ACOT13: variants seen among roughly 807,000 people sequenced by gnomAD.
ACOT13 encodes the protein acyl-CoA thioesterase 13.
In ACOT13, 10 loss-of-function variants were observed where a neutral mutation model predicts 11.8. That is an observed-to-expected ratio of 0.85 (90% CI 0.53 to 1.44). The LOEUF (loss-of-function observed/expected upper bound fraction) is 1.44. ACOT13 is among the 40% of genes most tolerant of loss of function. ACOT13 has a pLI of 0.00. For synonymous variants in ACOT13, 53 were observed against 61.0 expected (o/e 0.87, Z 0.61); for missense variants, 172 against 174.1 (o/e 0.99, Z 0.07).
chr6:24,677,475 C>T (rs892075081), intron 1 of ACOT13, among the ~76,000 whole-genome samples: 1 of 152,214 alleles, frequency 6.6e-6, no homozygotes, highest in Admixed American at 6.5e-5. Flanking sequence ...TGCCACTACC[C>T]GTAAACAATG....
At chr6:24,697,562 G>C (rs1056952295) in intron 1 of ACOT13, among the ~76,000 whole-genome samples, 1 of 152,198 alleles carries the variant, frequency 6.6e-6, no homozygotes, top group African/African-American at 2.4e-5. Flanking sequence ...TCTCAGCTGG[G>C]TGGCTTTGTT....
intron 1 of ACOT13, chr6:24,687,340 A>G: frequency 1.3e-6 from 1 of 799,580 alleles, no homozygotes; most frequent in Non-Finnish European, 1.6e-6. Context: ...GTAGTTCTGC[A>G]GTAAATAAAT....
intron 1 of ACOT13, among the ~76,000 whole-genome samples, chr6:24,683,010 G>T (rs2127624323): frequency 6.6e-6 from 1 of 152,284 alleles, no homozygotes; most frequent in Admixed American, 6.5e-5. Flanking sequence ...TAAGTTGCAA[G>T]CCCCGTGTTT....
rs1255348041 is a variant in ACOT13, at chr6:24,701,804, T to A, written c.*189T>A. 3.9e-6 allele frequency: 2 copies of A among 510,858 alleles called. No individual in the cohort carries two copies. Among genetic ancestry groups the A allele is most frequent in the East Asian group, 6.6e-5 (2 of 30,456 alleles). 31.6% of individuals were successfully genotyped at this position (510,858 alleles called of 1,614,324 possible). A position where few individuals can be genotyped will look rare whatever the true frequency, so the allele number is the denominator to read the frequency against. On this transcript the variant is annotated 3_prime_UTR_variant, in exon 3 of 3. Transcript: ENST00000230048. ...TTTTTTCACTTTAAGCATCTTGTTTTCTAATCATGTGTGATAATTGGGTGA... is the reference window on the plus strand; with the variant it reads ...TTTTTTCACTTTAAGCATCTTGTTTACTAATCATGTGTGATAATTGGGTGA...
At chr6:24,698,478 G>C (rs2127628922) in intron 2 of ACOT13, among the ~76,000 whole-genome samples, 1 of 152,134 alleles carries the variant, frequency 6.6e-6, no homozygotes, top group African/African-American at 2.4e-5. Flanking sequence ...CTTGAAGCCT[G>C]GAGTTCAAGA....
At chr6:24,699,278 C>T (rs1390025815) in intron 2 of ACOT13, among the ~76,000 whole-genome samples, 2 of 146,294 alleles carry the variant, frequency 1.4e-5, no homozygotes, top group South Asian at 2.1e-4. Flanking sequence ...GGTGCAGTCT[C>T]GGCTCACTGC....
At chr6:24,691,522 G>T (rs1778717823) in intron 1 of ACOT13, among the ~76,000 whole-genome samples, 4 of 152,096 alleles carry the variant, frequency 2.6e-5, no homozygotes, top group Admixed American at 1.3e-4. Context: ...TGGTGCAGGA[G>T]AACTTAAATC....
Position 24,701,849 on chromosome 6 carries a change from G to GT in ACOT13, c.*238dup. 1 of 398,242 alleles carries GT rather than the reference G, an allele frequency of 2.5e-6. No homozygotes were observed. 24.7% of individuals were successfully genotyped at this position (398,242 alleles called of 1,614,324 possible). A position where few individuals can be genotyped will look rare whatever the true frequency, so the allele number is the denominator to read the frequency against. ...GGGTGAAAAATTCTTAGCTCAAAGTGTTTTAAAAACAGGTAAAGCAAAGAA... is the reference window on the plus strand; with the variant it reads ...GGGTGAAAAATTCTTAGCTCAAAGTGTTTTTAAAAACAGGTAAAGCAAAGAA... On this transcript the variant is annotated 3_prime_UTR_variant, in exon 3 of 3. Coordinates refer to ENST00000230048, the MANE Select transcript of ACOT13 (RefSeq NM_018473.4).
chr6:24,688,797 C>G (rs1174694983), intron 1 of ACOT13, among the ~76,000 whole-genome samples: 1 of 152,100 alleles, frequency 6.6e-6, no homozygotes, highest in African/African-American at 2.4e-5. Flanking sequence ...TTCATCTGAA[C>G]TCATCTTTTT....
At chr6:24,687,491 T>C (rs983557188) in intron 1 of ACOT13, 44 of 1,369,174 alleles carry the variant, frequency 3.2e-5, no homozygotes, top group Non-Finnish European at 3.7e-5. Context: ...CCAACACACA[T>C]AGAAATAAGG....
At position 24,696,185 on chromosome 6, in the gene ACOT13, A is replaced by G. The variant is rs370438085; in HGVS notation, c.82-1698A>G. On this transcript the variant is annotated intron_variant, in intron 1 of 2. Transcript: ENST00000230048. ...GACATAATATTGTTTAGGATGTTTT[A>G]TATCGCGTGGTTCTGTTTTCCTTCA... Among the ~76,000 whole-genome samples the G allele has an allele frequency of 4.6e-4, 70 of 152,364 alleles. No individual in the cohort carries two copies. The South Asian group carries it at 0.013, about 29-fold the overall frequency.
chr6:24,667,708 G>A (rs561015142), intron 1 of ACOT13, among the ~76,000 whole-genome samples: 1 of 152,196 alleles, frequency 6.6e-6, no homozygotes, highest in Non-Finnish European at 1.5e-5. Context: ...GGCTCTAGAA[G>A]ATTAGAAGAT....
intron 1 of ACOT13, among the ~76,000 whole-genome samples, chr6:24,674,660 AC>A (rs1778416324): frequency 6.6e-6 from 1 of 150,474 alleles, no homozygotes; most frequent in African/African-American, 2.5e-5. Flanking sequence ...AAGTGATCTG[AC>A]TGCCTTGGCC....
At chr6:24,693,111 G>A (rs1016267382) in intron 1 of ACOT13, among the ~76,000 whole-genome samples, 17 of 152,294 alleles carry the variant, frequency 1.1e-4, no homozygotes, top group African/African-American at 3.9e-4. Context: ...CCTGTCATCT[G>A]CAGTGTCACA....
intron 1 of ACOT13, among the ~76,000 whole-genome samples, chr6:24,680,844 G>C (rs951043269): frequency 4.6e-5 from 7 of 152,222 alleles, no homozygotes; most frequent in Non-Finnish European, 1.0e-4. Flanking sequence ...TTTTGATTAT[G>C]TAAGTATGGG....
chr6:24,692,568 C>T (rs936829149), intron 1 of ACOT13, among the ~76,000 whole-genome samples: 3 of 151,940 alleles, frequency 2.0e-5, no homozygotes, highest in Non-Finnish European at 2.9e-5. Context: ...CAGGCACATG[C>T]CACCATGCCT....
intron 1 of ACOT13, among the ~76,000 whole-genome samples, chr6:24,674,691 C>T (rs933181171): frequency 6.6e-6 from 1 of 152,178 alleles, no homozygotes; most frequent in African/African-American, 2.4e-5. Flanking sequence ...GCTGGGATTA[C>T]AGGCATGAGT....
At chr6:24,667,433 T>C (rs1007566288) in intron 1 of ACOT13, 89 bp downstream of exon 1, 2 of 1,225,540 alleles carry the variant, frequency 1.6e-6, no homozygotes, top group Admixed American at 1.9e-5. Flanking sequence ...TGAATAATTA[T>C]CTCTTGTTAG....
chr6:24,692,661 C>A (rs1778735404), intron 1 of ACOT13, among the ~76,000 whole-genome samples: 1 of 152,200 alleles, frequency 6.6e-6, no homozygotes, highest in Non-Finnish European at 1.5e-5. Context: ...TCAAGCAATC[C>A]TCCCACCTCA....
Sources: gnomAD v4.1 joint callset for allele counts (sites outside exome capture counted in the v4.1 genomes callset) on GRCh38, gnomAD v4.1.1 for gene constraint, MANE v1.5 for transcripts, NCBI Gene and HGNC (gene_info 2026-07-23, HGNC 2026-07-21) for gene names.